Variants in PGGHG observed in about 807,000 individuals in gnomAD.
The protein encoded by PGGHG is ATH1, acid trehalase-like 1.
In PGGHG, 67 loss-of-function variants were observed where a neutral mutation model predicts 74.5. The observed-to-expected ratio is 0.90, with a 90% CI of 0.74 to 1.10. PGGHG has a LOEUF of 1.10. PGGHG is among the 50% of genes least tolerant of loss of function. The probability of loss-of-function intolerance (pLI) is 0.00; values close to 1 mark genes in which losing one functional copy is unlikely to be tolerated. For missense variants in PGGHG, 1,034 were observed against 981.5 expected (o/e 1.05, Z -0.72); for synonymous variants, 496 against 419.9 (o/e 1.18, Z -2.21).
rs1590288520 is a variant in PGGHG, at chr11:292,984, G to T, written c.1257G>T (p.Lys419Asn). The T allele has an allele frequency of 3.7e-6, 6 of 1,609,156 alleles. No homozygotes were observed. Among genetic ancestry groups the T allele is most frequent in the Non-Finnish European group, 5.1e-6 (6 of 1,177,798 alleles). ...TTGAGTGGAGCCCCAGGGAGGAAAA[G>T]TACCACCTGAGGGGTGAGGCCATGG... ...SRVEWSPREEKYHLRGVMSPD... is the reference protein window; with the variant it reads ...SRVEWSPREENYHLRGVMSPD... The change falls in exon 7 of 14, where the codon AAG becomes AAT. Residue 419 changes from lysine (K) to asparagine (N), a missense_variant. Lys to Asn is a moderately conservative substitution (Grantham distance 94). Transcript: ENST00000409548.
chr11:290,506 G>A lies in PGGHG; in HGVS notation c.376G>A (p.Gly126Arg). Reference sequence around the variant, plus strand: ...AGTGTCCATCGCCCGCCTGGCCCCGGGGAGCGGGCCCATCACGCTGCTCCT... The same window carrying A: ...AGTGTCCATCGCCCGCCTGGCCCCGAGGAGCGGGCCCATCACGCTGCTCCT... ...FRVSIARLAP[G>R]SGPITLLLRS... Residue 126 changes from glycine to arginine, a missense_variant, in exon 3 of 14, where the codon GGG becomes AGG. Physicochemically the swap from Gly to Arg is moderately radical, Grantham distance 125. Coordinates refer to ENST00000409548, the MANE Select transcript of PGGHG (RefSeq NM_025092.5). The A allele has an allele frequency of 1.3e-6, 2 of 1,550,428 alleles. No individual in the cohort carries two copies. The highest frequency in any genetic ancestry group is 1.7e-6 in the Non-Finnish European group (2 of 1,146,970).
At position 289,658 on chromosome 11, in the gene PGGHG, T is replaced by C; in HGVS notation, c.-13-146T>C. On this transcript the variant is annotated intron_variant, in intron 1 of 13. Coordinates refer to ENST00000409548, the MANE Select transcript of PGGHG (RefSeq NM_025092.5). The surrounding 1 kb of genome is among the most constrained non-coding windows in gnomAD (Gnocchi z 5.6). ...AGCTCCTTTCCTGCGAGGCCCCGTC[T>C]AGGAGGGGCCTCAGGAAAATCGGGG... The C allele has an allele frequency of 9.6e-7, 1 of 1,045,824 alleles. No homozygotes were observed. Among genetic ancestry groups the C allele is most frequent in the Non-Finnish European group, 1.3e-6 (1 of 745,612 alleles). The allele number at this position is 1,045,824 out of a possible 1,614,324, so 64.8% of individuals were successfully genotyped here.
chr11:293,034 G>A (rs1845772681), intron 7 of PGGHG, 37 bp downstream of exon 7: 1 of 1,613,900 alleles, frequency 6.2e-7, no homozygotes, highest in Middle Eastern at 1.6e-4. Context: ...GGGAGGAAGG[G>A]TGGATGCTCC....
At chr11:290,261 G>C in intron 2 of PGGHG, 129 bp from the exon 3 acceptor site, 1 of 1,356,006 alleles carries the variant, frequency 7.4e-7, no homozygotes. Context: ...CAGCTGTAGC[G>C]GGAACGAGCA....
At position 294,682 on chromosome 11, in the gene PGGHG, C is replaced by T. The variant is rs1366654723; in HGVS notation, c.2147C>T (p.Pro716Leu). The stretch of plus-strand genomic sequence containing the variant: ...GATGTTAGGGACCCGCTCCAGAGCC[C>T]CCTCTGGGTCACCCTGGGTTCCTCC... ...FSDVRDPLQSPLWVTLGSSSP... is the reference protein window; with the variant it reads ...FSDVRDPLQSLLWVTLGSSSP... The change falls in exon 14 of 14, where the codon CCC (proline) becomes CTC (leucine). Residue 716 changes from proline to leucine, a missense_variant. Pro to Leu is a moderately conservative substitution (Grantham distance 98, BLOSUM62 -3). Coordinates refer to ENST00000409548, the MANE Select transcript of PGGHG (RefSeq NM_025092.5). 8 of 1,613,428 alleles carry T rather than the reference C, an allele frequency of 5.0e-6. No homozygotes were observed. Among genetic ancestry groups the T allele is most frequent in the South Asian group, 2.2e-5 (2 of 91,058 alleles).
chr11:289,709 C>T lies in PGGHG; in HGVS notation c.-13-95C>T. 1.4e-6 allele frequency: 2 copies of T among 1,415,054 alleles called. No individual in the cohort carries two copies. The highest frequency in any genetic ancestry group is 1.9e-6 in the Non-Finnish European group (2 of 1,072,680). 87.7% of individuals were successfully genotyped at this position (1,415,054 alleles called of 1,614,324 possible). ...CTGCCCAGCTGGTTCCGCAACTCCC[C>T]CCAGTTCTGAGGGAGGCTTCAGGGG... is the stretch of plus-strand genomic sequence containing the variant. On this transcript the variant is annotated intron_variant, in intron 1 of 13. Coordinates refer to ENST00000409548, the MANE Select transcript of PGGHG (RefSeq NM_025092.5). This position sits in a 1 kb window ranked among gnomAD's most constrained non-coding sequence, Gnocchi z 5.6.
Position 293,926 on chromosome 11 carries a change from G to T in PGGHG, c.1710+1G>T, listed in dbSNP as rs771594033. On this transcript the variant is annotated splice_donor_variant, in intron 11 of 13. Coordinates refer to ENST00000409548, the MANE Select transcript of PGGHG (RefSeq NM_025092.5). LOFTEE classifies it high-confidence loss of function. The stretch of plus-strand genomic sequence containing the variant: ...TGCCAACATGGCTGAACCCTTCAAG[G>T]TCAGCCTGGCCACACCTGCCTCCCA... 1 of 1,610,612 alleles carries T rather than the reference G, an allele frequency of 6.2e-7. No homozygotes were observed. The highest frequency in any genetic ancestry group is 8.5e-7 in the Non-Finnish European group (1 of 1,178,764).
At chr11:293,266 A>T in intron 8 of PGGHG, 31 bp downstream of exon 8, 3 of 1,556,422 alleles carry the variant, frequency 1.9e-6, no homozygotes, top group Non-Finnish European at 1.7e-6. Flanking sequence ...ACCTCACCCC[A>T]CCCCCGCCCC....
intron 5 of PGGHG, 47 bp from the exon 6 acceptor site, chr11:292,499 C>T (rs1306477964): frequency 6.3e-7 from 1 of 1,599,292 alleles, no homozygotes; most frequent in East Asian, 2.2e-5. Context: ...TGGGGGGCCA[C>T]CGCTCCCCTC....
intron 2 of PGGHG, 142 bp from the exon 3 acceptor site, chr11:290,248 G>T (rs1221828263): frequency 2.2e-6 from 3 of 1,343,746 alleles, no homozygotes; most frequent in Non-Finnish European, 3.0e-6. Flanking sequence ...GAGGCCTCCT[G>T]TGCAGCTGTA....
At position 293,242 on chromosome 11, in the gene PGGHG, C is replaced by G; in HGVS notation, c.1343+7C>G. On this transcript the variant is annotated splice_region_variant and intron_variant, in intron 8 of 13. Transcript: ENST00000409548. ...ACGTCCTGGTCCAGAACAGGTCAGA[C>G]ACAAGATCCCCTCACCTCACCCCAC... 1 of 1,612,316 alleles carries G rather than the reference C, an allele frequency of 6.2e-7. No individual in the cohort carries two copies. Among genetic ancestry groups the G allele is most frequent in the Admixed American group, 1.7e-5 (1 of 59,990 alleles).
Position 292,041 on chromosome 11 carries a change from C to T in PGGHG, c.972C>T (p.Tyr324=), listed in dbSNP as rs1845738186. ...AAGCCGCCAGGGCCATCCTGGAGTA[C>T]CGCATCCGCACGCTGGACGGGGCCC... ...HPEAARAILE[Y]RIRTLDGALE... is the part of the protein sequence containing the mutation. Residue 324 remains tyrosine (Y), a synonymous_variant, in exon 5 of 14, where the codon TAC becomes TAT. Coordinates refer to ENST00000409548, the MANE Select transcript of PGGHG (RefSeq NM_025092.5). 6.2e-7 allele frequency: 1 copy of T among 1,601,982 alleles called. No homozygotes were observed. The highest frequency in any genetic ancestry group is 1.3e-5 in the African/African-American group (1 of 74,898).
chr11:294,646 G>A lies in PGGHG; in HGVS notation c.2111G>A (p.Arg704Lys), dbSNP rs748151983. 1.9e-6 allele frequency: 3 copies of A among 1,601,682 alleles called. No individual in the cohort carries two copies. Among genetic ancestry groups the A allele is most frequent in the Non-Finnish European group, 2.6e-6 (3 of 1,174,244 alleles). The change falls in exon 14 of 14, where the codon AGG becomes AAG. Residue 704 changes from arginine to lysine, a missense_variant. Arg to Lys is a conservative substitution (Grantham distance 26). Coordinates refer to ENST00000409548, the MANE Select transcript of PGGHG (RefSeq NM_025092.5). ...AGTTCCAGCTCCGAGTTCCCTGGGA[G>A]GACTTTTTCAGATGTTAGGGACCCG... ...PGSSSSEFPG[R>K]TFSDVRDPLQ...
rs1444370557 is a variant in PGGHG, at chr11:291,108, G to A, written c.901G>A (p.Asp301Asn). The stretch of plus-strand genomic sequence containing the variant: ...ATGCTACTGGGGCCACGTCTTCTGG[G>A]ACCAGGTGAGCACTGTACACCCAGC... ...EECYWGHVFW[D>N]QDLWMFPSIL... Residue 301 changes from aspartate (D) to asparagine (N), a missense_variant, in exon 4 of 14, where the codon GAC becomes AAC. Coordinates refer to ENST00000409548, the MANE Select transcript of PGGHG (RefSeq NM_025092.5). 6 of 1,578,480 alleles carry A rather than the reference G, an allele frequency of 3.8e-6. No homozygotes were observed. The highest frequency in any genetic ancestry group is 5.2e-6 in the Non-Finnish European group (6 of 1,159,242).
chr11:292,915 C>G lies in PGGHG; in HGVS notation c.1188C>G (p.Gly396=). The part of the protein sequence containing the change: ...QDLQLFREAG[G]WDVVRAVAEF... ...TGCAGCTATTTCGAGAGGCTGGTGG[C>G]TGGGACGTGGTCAGGGCTGTGGCCG... The change falls in exon 7 of 14, where the codon GGC becomes GGG. Residue 396 remains glycine, a synonymous_variant. Transcript: ENST00000409548. 6.2e-7 allele frequency: 1 copy of G among 1,614,124 alleles called. No homozygotes were observed. Among genetic ancestry groups the G allele is most frequent in the Non-Finnish European group, 8.5e-7 (1 of 1,180,000 alleles).
In PGGHG at chr11:290,894, G is replaced by C; in HGVS notation, c.687G>C (p.Thr229=). Residue 229 remains threonine (T), a synonymous_variant, in exon 4 of 14, where the codon ACG becomes ACC. Transcript: ENST00000409548. ...TGCAGGCCAGGGGAGCTCTGTATAC[G>C]GCTCACGCACAGGCCTGGGCCCAGC... The part of the protein sequence containing the change: ...LQLQARGALY[T]AHAQAWAQLW... The C allele has an allele frequency of 6.2e-7, 1 of 1,611,880 alleles. No individual in the cohort carries two copies. Among genetic ancestry groups the C allele is most frequent in the East Asian group, 2.2e-5 (1 of 44,820 alleles).
At position 294,406 on chromosome 11, in the gene PGGHG, C is replaced by G. The variant is rs1053043727; in HGVS notation, c.1948C>G (p.Arg650Gly). ...EDSVTVEVTA[R>G]AGPWAPHLEA... Reference sequence around the variant, plus strand: ...CTCCGTGACCGTGGAGGTCACAGCTCGAGCAGGGCCCTGGGCTCCTCACCT... The same window carrying G: ...CTCCGTGACCGTGGAGGTCACAGCTGGAGCAGGGCCCTGGGCTCCTCACCT... The change falls in exon 13 of 14, where the codon CGA becomes GGA. Residue 650 changes from arginine (R) to glycine (G), a missense_variant. Coordinates refer to ENST00000409548, the MANE Select transcript of PGGHG (RefSeq NM_025092.5). 1 of 1,597,288 alleles carries G rather than the reference C, an allele frequency of 6.3e-7. No individual in the cohort carries two copies. The highest frequency in any genetic ancestry group is 8.5e-7 in the Non-Finnish European group (1 of 1,171,740).
In PGGHG at chr11:292,666, C is replaced by T; in HGVS notation, c.1147C>T (p.His383Tyr). Residue 383 changes from histidine (H) to tyrosine (Y), a missense_variant, in exon 6 of 14, where the codon CAT becomes TAT. Transcript: ENST00000409548. ...GGTGTTGGCCTTCGAGCTGTACTACCATACCACCCAGGTGAGGTGCTGCGT... is the reference window on the plus strand; with the variant it reads ...GGTGTTGGCCTTCGAGCTGTACTACTATACCACCCAGGTGAGGTGCTGCGT... ...AVVLAFELYYHTTQDLQLFRE... is the reference protein window; with the variant it reads ...AVVLAFELYYYTTQDLQLFRE... 1.2e-6 allele frequency: 2 copies of T among 1,613,756 alleles called. No homozygotes were observed. Among genetic ancestry groups the T allele is most frequent in the Non-Finnish European group, 1.7e-6 (2 of 1,179,986 alleles).
In PGGHG at chr11:289,542, A is replaced by C; in HGVS notation, c.-13-262A>C. ...TTTGGAAAGCAGGGTTAGGACTGGA[A>C]TTCTAAGGTAGCAGGAGGGAGAGAC... On this transcript the variant is annotated intron_variant, in intron 1 of 13. Coordinates refer to ENST00000409548, the MANE Select transcript of PGGHG (RefSeq NM_025092.5). This position sits in a 1 kb window ranked among gnomAD's most constrained non-coding sequence, Gnocchi z 5.6. 1 of 508,920 alleles carries C rather than the reference A, an allele frequency of 2.0e-6. No homozygotes were observed. Among genetic ancestry groups the C allele is most frequent in the Non-Finnish European group, 3.5e-6 (1 of 287,388 alleles). The allele number at this position is 508,920 out of a possible 1,614,324, so 31.5% of individuals were successfully genotyped here.
Sources: gnomAD v4.1 joint callset for allele counts on GRCh38, gnomAD v4.1.1 for gene constraint, Gnocchi (gnomAD v3.1) non-coding constraint, MANE v1.5 for transcripts, NCBI Gene and HGNC (gene_info 2026-07-23, HGNC 2026-07-21) for gene names.